GPHN: variants seen among roughly 807,000 people sequenced by gnomAD.
The protein encoded by GPHN is gephyrin.
Under a neutral mutation model 95.5 loss-of-function variants are expected in GPHN, and 17 were observed. That is an observed-to-expected ratio of 0.18 (90% confidence interval 0.12 to 0.27). The LOEUF (loss-of-function observed/expected upper bound fraction) is 0.27, where lower values mean the gene tolerates loss of function less well. Among genes scored for constraint, GPHN ranks in the 10% least tolerant of loss-of-function variants. The pLI is 1.00. For missense variants in GPHN, 660 were observed against 978.1 expected (o/e 0.67, Z 4.34); for synonymous variants, 320 against 322.5 (o/e 0.99, Z 0.08).
the GPHN span, chr14:67,561,917 C>A: frequency 1.5e-6 from 2 of 1,328,506 alleles, no homozygotes; most frequent in Non-Finnish European, 2.2e-6. Flanking sequence ...AACCTGTAGG[C>A]TGGGTGTCCT....
chr14:66,679,426 C>T (rs1266966439), intron 1 of GPHN, among the ~76,000 whole-genome samples: 2 of 151,974 alleles, frequency 1.3e-5, no homozygotes, highest in Admixed American at 1.3e-4. Flanking sequence ...TGGTTTTTTT[C>T]ACCTTTGCCA....
At chr14:67,432,233 A>G in the GPHN span, among the ~76,000 whole-genome samples, 1 of 152,238 alleles carries the variant, frequency 6.6e-6, no homozygotes, top group Non-Finnish European at 1.5e-5. Flanking sequence ...TGGGAAATCC[A>G]GCTCCAAGAG....
chr14:67,650,701 C>G, the GPHN span: 1 of 1,612,900 alleles, frequency 6.2e-7, no homozygotes, highest in Non-Finnish European at 8.5e-7. Context: ...TTTTGTCACA[C>G]TTTGTTCTTC....
At chr14:67,480,893 CA>C in the GPHN span, among the ~76,000 whole-genome samples, 1 of 152,178 alleles carries the variant, frequency 6.6e-6, no homozygotes, top group African/African-American at 2.4e-5. Context: ...TCCCCAACCC[CA>C]GCAAGTAACT....
chr14:67,364,707 A>AT, the GPHN span: 2,284 of 1,344,754 alleles, frequency 1.7e-3, no homozygotes, highest in East Asian at 2.3e-3. Context: ...GTGGAAATTG[A>AT]TTTTTTTTTT....
chr14:67,633,497 A>G, the GPHN span, among the ~76,000 whole-genome samples: 1 of 152,196 alleles, frequency 6.6e-6, no homozygotes, highest in Non-Finnish European at 1.5e-5. Context: ...ATCAATGTCA[A>G]CATATCCCAA....
intron 10 of GPHN, among the ~76,000 whole-genome samples, chr14:67,041,860 C>T (rs1313965101): frequency 6.6e-6 from 1 of 152,144 alleles, no homozygotes; most frequent in African/African-American, 2.4e-5. Context: ...CCTATTCTTC[C>T]ACAACCTCTC....
intron 1 of GPHN, among the ~76,000 whole-genome samples, chr14:66,625,166 C>T (rs967342560): frequency 6.6e-6 from 1 of 152,022 alleles, no homozygotes; most frequent in Non-Finnish European, 1.5e-5. Flanking sequence ...ATAGCCTTGA[C>T]CTCCCAGTCT....
chr14:67,647,491 T>C, the GPHN span: 1 of 157,392 alleles, frequency 6.4e-6, no homozygotes, highest in Non-Finnish European at 1.4e-5. Flanking sequence ...TAGTATGTCA[T>C]TTCATAAGCT....
intron 1 of GPHN, among the ~76,000 whole-genome samples, chr14:66,672,370 G>T (rs2066345961): frequency 6.6e-6 from 1 of 152,126 alleles, no homozygotes; most frequent in African/African-American, 2.4e-5. Flanking sequence ...TTTGAGAAGA[G>T]TGTCTATTCT....
chr14:67,014,535 A>T (rs1054713421), intron 9 of GPHN, among the ~76,000 whole-genome samples: 2 of 152,178 alleles, frequency 1.3e-5, no homozygotes, highest in Non-Finnish European at 2.9e-5. Context: ...TCAAGTTGTG[A>T]TTAGGAATGC....
intron 8 of GPHN, among the ~76,000 whole-genome samples, chr14:66,963,570 A>G (rs2069108751): frequency 6.6e-6 from 1 of 152,080 alleles, no homozygotes; most frequent in Admixed American, 6.6e-5. Flanking sequence ...TAAAATGGGT[A>G]TTTGACCTTC....
At chr14:67,641,444 C>T in the GPHN span, among the ~76,000 whole-genome samples, 1 of 152,210 alleles carries the variant, frequency 6.6e-6, no homozygotes, top group Admixed American at 6.5e-5. Context: ...AGCTGTGTAA[C>T]TTGGGCGGTT....
chr14:66,741,883 G>A (rs6573718), intron 2 of GPHN, among the ~76,000 whole-genome samples: 47,273 of 151,992 alleles, frequency 0.31, 11,169 homozygotes, highest in African/African-American at 0.64. Context: ...ATAAAAACCC[G>A]TTGTCTTTAT....
chr14:66,566,775 A>G (rs2060477667), intron 1 of GPHN, among the ~76,000 whole-genome samples: 1 of 152,182 alleles, frequency 6.6e-6, no homozygotes, highest in South Asian at 2.1e-4. Context: ...AGAGAACATC[A>G]CAGTTTGGGG....
the GPHN span, among the ~76,000 whole-genome samples, chr14:67,551,874 T>TA: frequency 2.3e-3 from 321 of 142,548 alleles, 1 homozygote; most frequent in African/African-American, 6.8e-3. Context: ...AGATTCTGTC[T>TA]AAAAAAAAAA....
the GPHN span, among the ~76,000 whole-genome samples, chr14:67,618,183 T>C: frequency 2.0e-5 from 3 of 152,144 alleles, no homozygotes; most frequent in Admixed American, 2.0e-4. Context: ...TATGACAGTA[T>C]CTGTGACTGT....
At chr14:67,110,283 G>C (rs1264720439) in intron 14 of GPHN, 24 bp downstream of exon 14, 2 of 1,612,594 alleles carry the variant, frequency 1.2e-6, no homozygotes. Context: ...AAGTCTTACT[G>C]TGCTGTTGTT....
intron 2 of GPHN, among the ~76,000 whole-genome samples, chr14:66,737,558 C>T (rs534051926): frequency 2.0e-5 from 3 of 152,162 alleles, no homozygotes; most frequent in Non-Finnish European, 4.4e-5. Flanking sequence ...TTACTGACTG[C>T]ATCTGAATTT....
Sources: gnomAD v4.1 joint callset for allele counts (sites outside exome capture counted in the v4.1 genomes callset) on GRCh38, gnomAD v4.1.1 for gene constraint, MANE v1.5 for transcripts, NCBI Gene and HGNC (gene_info 2026-07-23, HGNC 2026-07-21) for gene names.